Variants in PATJ observed in about 807,000 individuals in gnomAD.
PATJ encodes the protein inaD-like protein.
PATJ carries 190 observed loss-of-function variants against 224.9 expected under a neutral mutation model. The ratio of observed to expected loss-of-function variants is 0.84; its 90% CI spans 0.75 to 0.95. The LOEUF (loss-of-function observed/expected upper bound fraction) is 0.95, where lower values mean the gene tolerates loss of function less well. Ranked by LOEUF, PATJ falls within the 40% of genes least tolerant of loss-of-function variation. The pLI, the probability that PATJ is intolerant of heterozygous loss-of-function variation, is 0.00. For synonymous variants in PATJ, 769 were observed against 820.3 expected (o/e 0.94, Z 1.07); for missense variants, 2,121 against 2,270.3 (o/e 0.93, Z 1.34).
chr1:61,844,693 C>T (rs1187368799), intron 17 of PATJ, among the ~76,000 whole-genome samples: 1 of 152,152 alleles, frequency 6.6e-6, no homozygotes, highest in South Asian at 2.1e-4. Context: ...CAAATCTCAT[C>T]TCAAATTATA....
rs1428525087 is a variant in PATJ, at chr1:62,084,784, A to C, written c.4377+136A>C. On this transcript the variant is annotated intron_variant, in intron 33 of 43. Transcript: ENST00000642238. ...AAAATGTGATTATAAATAGATGTGC[A>C]TCCATAGTCTAGCTAGTTTTCAAGT... 3 of 879,814 alleles carry C rather than the reference A, an allele frequency of 3.4e-6. No homozygotes were observed. The African/African-American group carries it at 5.2e-5, about 15-fold the overall frequency. The allele number at this position is 879,814 out of a possible 1,614,324, so 54.5% of individuals were successfully genotyped here.
chr1:61,878,222 C>G (rs994582106), intron 21 of PATJ, among the ~76,000 whole-genome samples: 10 of 152,170 alleles, frequency 6.6e-5, no homozygotes, highest in African/African-American at 2.4e-4. Flanking sequence ...CAGTCCTGCC[C>G]TGGTCCTTCC....
At chr1:62,145,563 G>A (rs547667611) in intron 41 of PATJ, among the ~76,000 whole-genome samples, 39 of 152,114 alleles carry the variant, frequency 2.6e-4, no homozygotes, top group Admixed American at 1.6e-3. Context: ...TGGAGGATGA[G>A]GTGAGGGGAT....
At chr1:62,048,851 A>G (rs886297346) in intron 30 of PATJ, among the ~76,000 whole-genome samples, 5 of 152,108 alleles carry the variant, frequency 3.3e-5, no homozygotes. Context: ...AGCATTTTGG[A>G]TTTCAGATTT....
intron 33 of PATJ, among the ~76,000 whole-genome samples, chr1:62,107,011 A>G (rs1194762499): frequency 6.6e-6 from 1 of 151,990 alleles, no homozygotes; most frequent in Non-Finnish European, 1.5e-5. Context: ...TCCACTCAAA[A>G]GCTGTGTCCC....
chr1:61,751,281 G>C (rs549991255), intron 1 of PATJ, among the ~76,000 whole-genome samples: 1 of 151,906 alleles, frequency 6.6e-6, no homozygotes, highest in East Asian at 2.0e-4. Context: ...GAGTACAGGC[G>C]TGAGCCACCA....
At chr1:62,073,152 G>C in intron 31 of PATJ, 2 of 985,274 alleles carry the variant, frequency 2.0e-6, no homozygotes, top group Non-Finnish European at 2.4e-6. Flanking sequence ...TTATAGACCG[G>C]GTTCCAAAAG....
intron 5 of PATJ, among the ~76,000 whole-genome samples, chr1:61,770,014 C>T (rs1049819240): frequency 2.0e-5 from 3 of 151,970 alleles, no homozygotes; most frequent in Admixed American, 6.6e-5. Context: ...GTTTGATTTC[C>T]AGTCTTTGGT....
At chr1:61,772,106 G>GTGT (rs1646648649) in intron 6 of PATJ, among the ~76,000 whole-genome samples, 4 of 115,344 alleles carry the variant, frequency 3.5e-5, no homozygotes, top group East Asian at 2.8e-4. Context: ...CATGACGGTC[G>GTGT]TTTTTTTTTT....
At chr1:62,127,865 C>A in intron 39 of PATJ, 107 bp from the exon 40 acceptor site, 2 of 1,078,912 alleles carry the variant, frequency 1.9e-6, no homozygotes, top group Non-Finnish European at 2.7e-6. Flanking sequence ...GTTATCCTGG[C>A]CTCCTACCTC....
chr1:61,909,686 C>CATAT (rs1231660128), intron 25 of PATJ, among the ~76,000 whole-genome samples: 24 of 152,158 alleles, frequency 1.6e-4, no homozygotes, highest in Non-Finnish European at 2.1e-4. Context: ...CCCAGGCTTA[C>CATAT]ATATGCACTT....
intron 11 of PATJ, among the ~76,000 whole-genome samples, chr1:61,799,614 T>C (rs1468479790): frequency 1.3e-5 from 2 of 152,332 alleles, no homozygotes; most frequent in South Asian, 2.1e-4. Context: ...TGGATATATA[T>C]GCATAGTGTT....
intron 42 of PATJ, among the ~76,000 whole-genome samples, chr1:62,150,823 A>G (rs969142006): frequency 6.6e-6 from 1 of 151,778 alleles, no homozygotes; most frequent in Non-Finnish European, 1.5e-5. Flanking sequence ...TTATAAAAAA[A>G]TGTAAAGACA....
intron 30 of PATJ, among the ~76,000 whole-genome samples, chr1:62,041,656 C>T (rs1466532361): frequency 6.6e-6 from 1 of 152,172 alleles, no homozygotes; most frequent in African/African-American, 2.4e-5. Context: ...AATAGCTGTT[C>T]TGAAAATTTA....
chr1:61,773,563 G>T (rs1360712468), intron 6 of PATJ, among the ~76,000 whole-genome samples: 1 of 151,134 alleles, frequency 6.6e-6, no homozygotes, highest in Non-Finnish European at 1.5e-5. Flanking sequence ...GAGGTGGGTG[G>T]ATCACCTGAG....
intron 31 of PATJ, among the ~76,000 whole-genome samples, chr1:62,079,090 A>G (rs908299768): frequency 2.0e-5 from 3 of 152,144 alleles, no homozygotes; most frequent in Non-Finnish European, 2.9e-5. Context: ...TTCAAAGTCC[A>G]TAGATAAAGG....
chr1:62,118,362 G>T (rs1664682137), intron 37 of PATJ, among the ~76,000 whole-genome samples: 1 of 152,096 alleles, frequency 6.6e-6, no homozygotes, highest in East Asian at 1.9e-4. Context: ...ACTCATCTTT[G>T]TTGAATGATT....
chr1:62,148,121 T>TAAAAAAAAAAAAA (rs59697245), intron 41 of PATJ, among the ~76,000 whole-genome samples, 163 bp from the exon 42 acceptor site: 1 of 118,456 alleles, frequency 8.4e-6, no homozygotes, highest in African/African-American at 3.1e-5. Context: ...ACACTGTCTT[T>TAAAAAAAAAAAAA]AAAAAAAAAA....
At chr1:61,985,317 A>C (rs563243963) in intron 27 of PATJ, among the ~76,000 whole-genome samples, 1 of 152,022 alleles carries the variant, frequency 6.6e-6, no homozygotes, top group South Asian at 2.1e-4. Context: ...ACTCAAAAAA[A>C]AAGAAGCTGC....
Sources: gnomAD v4.1 joint callset for allele counts (sites outside exome capture counted in the v4.1 genomes callset) on GRCh38, gnomAD v4.1.1 for gene constraint, MANE v1.5 for transcripts, NCBI Gene and HGNC (gene_info 2026-07-23, HGNC 2026-07-21) for gene names.